The following ENAH variants were observed in gnomAD, a reference collection of about 807,000 sequenced individuals.
ENAH encodes the protein protein enabled homolog.
A neutral mutation model predicts 78.7 loss-of-function variants in ENAH; 23 were observed. The ratio of observed to expected loss-of-function variants is 0.29; its 90% CI spans 0.21 to 0.41. The LOEUF (loss-of-function observed/expected upper bound fraction) is 0.41, where lower values mean the gene tolerates loss of function less well. ENAH is among the 10% of genes least tolerant of loss of function. ENAH has a pLI of 1.00. For missense variants in ENAH, 544 were observed against 691.0 expected (o/e 0.79, Z 2.39); for synonymous variants, 226 against 241.0 (o/e 0.94, Z 0.58).
intron 7 of ENAH, among the ~76,000 whole-genome samples, chr1:225,513,376 T>C (rs1009859510): frequency 1.2e-4 from 18 of 152,170 alleles, no homozygotes; most frequent in Non-Finnish European, 2.2e-4. Flanking sequence ...GCAAAATAAT[T>C]GTCCTACAGT....
At chr1:225,585,625 T>TA (rs1056455052) in intron 1 of ENAH, among the ~76,000 whole-genome samples, 4 of 151,850 alleles carry the variant, frequency 2.6e-5, no homozygotes, top group East Asian at 3.9e-4. Context: ...CTGTCTCTAC[T>TA]AAAAAAATAC....
At chr1:225,554,659 G>T (rs1419704494) in intron 3 of ENAH, among the ~76,000 whole-genome samples, 1 of 152,008 alleles carries the variant, frequency 6.6e-6, no homozygotes, top group African/African-American at 2.4e-5. Flanking sequence ...AAGGGTTACA[G>T]AATTAAAAAG....
chr1:225,608,024 A>T (rs973360357), intron 1 of ENAH, among the ~76,000 whole-genome samples: 6 of 152,150 alleles, frequency 3.9e-5, no homozygotes, highest in Middle Eastern at 3.2e-3. Flanking sequence ...GAAAGATAGG[A>T]ATCAAAACAG....
intron 1 of ENAH, chr1:225,580,138 C>T (rs2096808231): frequency 1.3e-5 from 2 of 152,006 alleles, no homozygotes; most frequent in Admixed American, 1.3e-4. Flanking sequence ...AATCTCCACA[C>T]CTCCTAGTAT....
intron 2 of ENAH, among the ~76,000 whole-genome samples, chr1:225,557,365 G>A (rs1040714595): frequency 1.1e-4 from 16 of 151,942 alleles, no homozygotes; most frequent in Admixed American, 5.2e-4. Context: ...TCATGTGATC[G>A]GCAATGGACA....
intron 1 of ENAH, among the ~76,000 whole-genome samples, chr1:225,571,024 G>C (rs997872223): frequency 6.6e-6 from 1 of 151,956 alleles, no homozygotes. Context: ...ACTGTTTATG[G>C]ATATCTATAA....
At chr1:225,651,473 T>C (rs1465597624) in intron 1 of ENAH, among the ~76,000 whole-genome samples, 2 of 152,234 alleles carry the variant, frequency 1.3e-5, no homozygotes, top group Non-Finnish European at 2.9e-5. Context: ...GACATTTTCT[T>C]GCCAAAGCGA....
chr1:225,592,466 A>C (rs526221), intron 1 of ENAH, among the ~76,000 whole-genome samples: 137,813 of 151,956 alleles, frequency 0.91, 62,617 homozygotes, highest in Middle Eastern at 0.95. Context: ...TTCTAGGCCA[A>C]AGTGGTTATC....
intron 4 of ENAH, among the ~76,000 whole-genome samples, chr1:225,527,651 T>C (rs558243716): frequency 6.6e-6 from 1 of 152,338 alleles, no homozygotes; most frequent in East Asian, 1.9e-4. Context: ...ATAAGGCCCT[T>C]ACAAGGTGGA....
intron 1 of ENAH, among the ~76,000 whole-genome samples, chr1:225,577,545 CT>C (rs1359803188): frequency 6.6e-6 from 1 of 152,212 alleles, no homozygotes; most frequent in Non-Finnish European, 1.5e-5. Context: ...TTTCATTCAT[CT>C]TTCTGAGAAA....
chr1:225,578,392 T>G (rs1161673581), intron 1 of ENAH, among the ~76,000 whole-genome samples: 1 of 152,196 alleles, frequency 6.6e-6, no homozygotes, highest in Non-Finnish European at 1.5e-5. Context: ...GAAGGACCAC[T>G]TCAGCCCAGG....
intron 11 of ENAH, chr1:225,505,139 A>G (rs1312954433): frequency 5.2e-6 from 5 of 964,190 alleles, no homozygotes; most frequent in Non-Finnish European, 7.8e-6. Flanking sequence ...TAGGTTGTTA[A>G]TAGCAAACAA....
chr1:225,590,646 G>A (rs777109663), intron 1 of ENAH, among the ~76,000 whole-genome samples: 23 of 151,694 alleles, frequency 1.5e-4, no homozygotes, highest in Admixed American at 3.9e-4. Context: ...TGTCTGGCCC[G>A]AGCTAGAAAC....
rs1280663531 is a variant in ENAH at position 225,494,480 on chromosome 1, G to A, written c.*3295C>T. 6.6e-6 allele frequency: 1 copy of A among 152,056 alleles called. No homozygotes were observed. The highest frequency in any genetic ancestry group is 2.4e-5 in the African/African-American group (1 of 41,436). 9.4% of individuals were successfully genotyped at this position (152,056 alleles called of 1,614,324 possible). A position where few individuals can be genotyped will look rare whatever the true frequency, so the allele number is the denominator to read the frequency against. ...ATGAATGAGTTTTAAGTACCTGAACGTGTTGCAGAACAAAATGGAATAAAA... is the reference window on the plus strand; with the variant it reads ...ATGAATGAGTTTTAAGTACCTGAACATGTTGCAGAACAAAATGGAATAAAA... On this transcript the variant is annotated 3_prime_UTR_variant, in exon 14 of 14. Coordinates refer to ENST00000366843, the MANE Select transcript of ENAH (RefSeq NM_018212.6).
intron 1 of ENAH, among the ~76,000 whole-genome samples, chr1:225,579,634 A>C (rs1272805679): frequency 6.6e-6 from 1 of 152,230 alleles, no homozygotes; most frequent in Non-Finnish European, 1.5e-5. Flanking sequence ...AGAATAGAAT[A>C]GCAGCTATCG....
intron 5 of ENAH, 177 bp downstream of exon 5, chr1:225,519,019 TAC>T (rs1207572886): frequency 1.2e-5 from 12 of 1,028,694 alleles, no homozygotes; most frequent in South Asian, 7.1e-5. Context: ...ATAAAAGCAA[TAC>T]AGAGAGAAAT....
intron 1 of ENAH, among the ~76,000 whole-genome samples, chr1:225,569,820 A>G (rs1482411135): frequency 6.6e-6 from 1 of 152,182 alleles, no homozygotes; most frequent in Non-Finnish European, 1.5e-5. Context: ...GTAAGAGCTG[A>G]GGTGTTATTG....
chr1:225,624,820 C>A (rs1230605938), intron 1 of ENAH, among the ~76,000 whole-genome samples: 1 of 152,070 alleles, frequency 6.6e-6, no homozygotes, highest in Non-Finnish European at 1.5e-5. Context: ...AAGGAAAATG[C>A]CCCAGGATTC....
chr1:225,512,232 G>A (rs940088970), intron 9 of ENAH, among the ~76,000 whole-genome samples: 2 of 152,220 alleles, frequency 1.3e-5, no homozygotes, highest in Non-Finnish European at 2.9e-5. Context: ...AGCTGAATCA[G>A]GGAGGAGGGC....
Sources: allele counts gnomAD v4.1 joint callset (sites outside exome capture counted in the v4.1 genomes callset), GRCh38; gene constraint gnomAD v4.1.1; transcripts MANE v1.5; gene names NCBI Gene and HGNC (gene_info 2026-07-23, HGNC 2026-07-21).